DCAF5: variants seen among roughly 807,000 people sequenced by gnomAD.
DCAF5 encodes DDB1 and CUL4 associated factor 5.
A neutral mutation model predicts 80.7 loss-of-function variants in DCAF5; 9 were observed. That is an observed-to-expected ratio of 0.11 (90% confidence interval 0.07 to 0.19). The LOEUF is 0.19. DCAF5 is among the 10% of genes least tolerant of loss of function. The pLI is 1.00. For synonymous variants in DCAF5, 433 were observed against 461.9 expected, an observed-to-expected ratio of 0.94 and a Z score of 0.80; for missense variants, 842 against 1,205.7, an observed-to-expected ratio of 0.70 and a Z score of 4.47.
intron 6 of DCAF5, chr14:69,090,630 A>C: frequency 6.4e-6 from 1 of 155,544 alleles, no homozygotes; most frequent in Non-Finnish European, 1.4e-5. Context: ...AGCAACCCCC[A>C]TCTAAGGAGA....
intron 1 of DCAF5, among the ~76,000 whole-genome samples, chr14:69,135,479 G>C (rs551720507): frequency 2.2e-4 from 34 of 152,144 alleles, no homozygotes; most frequent in Non-Finnish European, 3.8e-4. Context: ...CCTATTTTGT[G>C]AAAAAGTATC....
chr14:69,139,162 G>A (rs1489549806), intron 1 of DCAF5, among the ~76,000 whole-genome samples: 2 of 151,608 alleles, frequency 1.3e-5, no homozygotes, highest in Admixed American at 6.6e-5. Flanking sequence ...AAAAAGGAAA[G>A]AAACAGAGAG....
At position 69,064,562 on chromosome 14, in the gene DCAF5, G is replaced by C. The variant is rs191640345; in HGVS notation, c.947-2051C>G. ...TATCAGCTGCCTTTGGAAGATGGAA[G>C]AGTTTGAATAGGAATGGAGTTAGAA... On this transcript the variant is annotated intron_variant, in intron 7 of 8. Coordinates refer to ENST00000341516, the MANE Select transcript of DCAF5 (RefSeq NM_003861.3). 2.0e-5 allele frequency among the ~76,000 whole-genome samples: 3 copies of C among 152,326 alleles called. No homozygotes were observed. The East Asian group carries it at 5.8e-4, about 29-fold the overall frequency.
At chr14:69,133,264 C>T (rs1396667091) in intron 1 of DCAF5, among the ~76,000 whole-genome samples, 1 of 152,192 alleles carries the variant, frequency 6.6e-6, no homozygotes, top group Non-Finnish European at 1.5e-5. Context: ...AGAAACCATG[C>T]TCCTTACCAT....
chr14:69,079,949 A>G (rs371238768), intron 6 of DCAF5, among the ~76,000 whole-genome samples: 1 of 152,138 alleles, frequency 6.6e-6, no homozygotes, highest in East Asian at 1.9e-4. Context: ...TTTCCGTTTT[A>G]CAGAGGGTGG....
At chr14:69,079,353 TAG>T (rs1287278280) in intron 6 of DCAF5, among the ~76,000 whole-genome samples, 1 of 152,160 alleles carries the variant, frequency 6.6e-6, no homozygotes, top group Non-Finnish European at 1.5e-5. Flanking sequence ...AGAAAATGCA[TAG>T]AATGTACAGG....
At chr14:69,121,791 C>A (rs1240688726) in intron 2 of DCAF5, among the ~76,000 whole-genome samples, 3 of 152,084 alleles carry the variant, frequency 2.0e-5, no homozygotes, top group African/African-American at 7.2e-5. Flanking sequence ...CAACACTTTT[C>A]AAACAGGAGC....
chr14:69,055,652 G>T lies in DCAF5; in HGVS notation c.1075-41C>A, dbSNP rs766755378. On this transcript the variant is annotated intron_variant, in intron 8 of 8. Transcript: ENST00000341516. This position sits in a 1 kb window ranked among gnomAD's most constrained non-coding sequence, Gnocchi z 5.6. ...AAAACAAAAGCAACAAGGAGTAACT[G>T]GAAAGTATTCTTTCACTGGTGGTGA... 1.2e-5 allele frequency: 18 copies of T among 1,551,382 alleles called. No homozygotes were observed. In the South Asian group the frequency reaches 1.8e-4, roughly 16 times the overall value.
intron 1 of DCAF5, among the ~76,000 whole-genome samples, chr14:69,128,945 T>A (rs750308164): frequency 1.3e-5 from 2 of 152,090 alleles, no homozygotes; most frequent in African/African-American, 2.4e-5. Context: ...TAGTGAGACT[T>A]TGTCTCTACT....
At chr14:69,090,261 A>T (rs751453207) in intron 6 of DCAF5, 80 of 285,270 alleles carry the variant, frequency 2.8e-4, no homozygotes, top group Non-Finnish European at 3.8e-4. Context: ...TATCTGTTCT[A>T]TTGAGAGTCT....
chr14:69,099,002 C>G (rs2039849989), intron 5 of DCAF5, among the ~76,000 whole-genome samples: 1 of 151,752 alleles, frequency 6.6e-6, no homozygotes, highest in Non-Finnish European at 1.5e-5. Context: ...CCTGTAATCC[C>G]AGCACTTTGG....
Position 69,074,603 on chromosome 14 carries a change from C to T in DCAF5, c.946+742G>A, listed in dbSNP as rs1170931325. Among the ~76,000 whole-genome samples, 7 of 152,230 alleles carry T rather than the reference C, an allele frequency of 4.6e-5. No homozygotes were observed. The East Asian group carries it at 1.4e-3, about 29-fold the overall frequency. On this transcript the variant is annotated intron_variant, in intron 7 of 8. Coordinates refer to ENST00000341516, the MANE Select transcript of DCAF5 (RefSeq NM_003861.3). ...CCCAGGGAACATACCTGTCCATCAA[C>T]AAAGAAAGCCTCCCTTTAGTTAACA... is the stretch of plus-strand genomic sequence containing the variant.
chr14:69,124,967 T>A (rs2040831500), intron 1 of DCAF5, among the ~76,000 whole-genome samples: 1 of 152,182 alleles, frequency 6.6e-6, no homozygotes. Flanking sequence ...GTTTCTGACC[T>A]AATCTCCCTC....
rs759787399 is a variant in DCAF5 at position 69,054,622 on chromosome 14, C to T, written c.2064G>A (p.Glu688=). 2 of 1,614,052 alleles carry T rather than the reference C, an allele frequency of 1.2e-6. No homozygotes were observed. Among genetic ancestry groups the T allele is most frequent in the African/African-American group, 2.7e-5 (2 of 74,928 alleles). ...KDGETSLVTG[E]ADEGRAGTSH... ...TGGTTCCTGCTCTCCCTTCATCTGC[C>T]TCCCCGGTCACCAAGGAGGTCTCTC... Residue 688 remains glutamate (E), a synonymous_variant, in exon 9 of 9, where the codon GAG becomes GAA. Coordinates refer to ENST00000341516, the MANE Select transcript of DCAF5 (RefSeq NM_003861.3).
chr14:69,116,224 G>T, intron 5 of DCAF5, 142 bp downstream of exon 5: 1 of 988,270 alleles, frequency 1.0e-6, no homozygotes, highest in Non-Finnish European at 1.5e-6. Context: ...AGCTCTCCTG[G>T]CTTGAGAGAC....
Position 69,053,248 on chromosome 14 carries a change from GTTAC to G in DCAF5, c.*605_*608del, listed in dbSNP as rs2037818601. 2 of 152,376 alleles carry G rather than the reference GTTAC, an allele frequency of 1.3e-5. No homozygotes were observed. Among genetic ancestry groups the G allele is most frequent in the Admixed American group, 1.3e-4 (2 of 15,298 alleles). 9.4% of individuals were successfully genotyped at this position (152,376 alleles called of 1,614,324 possible). ...CACATTAAATGCTCAATAAAGAAGT[GTTAC>G]TTAGAGAAAACATGGAAGATTTCTT... On this transcript the variant is annotated 3_prime_UTR_variant, in exon 9 of 9. Transcript: ENST00000341516.
intron 1 of DCAF5, among the ~76,000 whole-genome samples, chr14:69,141,418 T>C (rs1366842101): frequency 6.6e-6 from 1 of 152,170 alleles, no homozygotes. Flanking sequence ...GTTTGTTACA[T>C]ATGTATACAT....
intron 1 of DCAF5, among the ~76,000 whole-genome samples, chr14:69,129,859 CACAA>C (rs1416261303): frequency 6.6e-6 from 1 of 152,206 alleles, no homozygotes; most frequent in African/African-American, 2.4e-5. Context: ...CTGGTTTCCT[CACAA>C]ACAATTGCTT....
intron 1 of DCAF5, among the ~76,000 whole-genome samples, chr14:69,137,527 A>C (rs8008735): frequency 0.091 from 13,808 of 152,174 alleles, 1,811 homozygotes; most frequent in African/African-American, 0.29. Context: ...CAACATAATA[A>C]AGCTTTCTTG....
Sources: allele counts gnomAD v4.1 joint callset (sites outside exome capture counted in the v4.1 genomes callset), GRCh38; gene constraint gnomAD v4.1.1; non-coding constraint Gnocchi (gnomAD v3.1); transcripts MANE v1.5; gene names NCBI Gene and HGNC (gene_info 2026-07-23, HGNC 2026-07-21).